The following MARCHF8 variants were observed in gnomAD, a reference collection of about 807,000 sequenced individuals.
MARCHF8 encodes the protein membrane associated ring-CH-type finger 8, also known as E3 ubiquitin-protein ligase MARCHF8.
A neutral mutation model predicts 51.6 loss-of-function variants in MARCHF8; 40 were observed. The observed-to-expected ratio is 0.77, with a 90% confidence interval of 0.60 to 1.01. The LOEUF is 1.01. Among genes scored for constraint, MARCHF8 ranks in the 50% least tolerant of loss-of-function variants. The pLI is 0.00. For missense variants in MARCHF8, 685 were observed against 708.6 expected, an observed-to-expected ratio of 0.97 and a Z score of 0.38; for synonymous variants, 263 against 280.3, an observed-to-expected ratio of 0.94 and a Z score of 0.62.
chr10:45,466,720 A>T (rs1564467058), intron 3 of MARCHF8, among the ~76,000 whole-genome samples: 1 of 152,144 alleles, frequency 6.6e-6, no homozygotes, highest in Non-Finnish European at 1.5e-5. Context: ...TATCTGGAAA[A>T]TCGTGCCCAA....
intron 3 of MARCHF8, among the ~76,000 whole-genome samples, chr10:45,484,921 G>A (rs2133062290): frequency 6.6e-6 from 1 of 152,290 alleles, no homozygotes; most frequent in East Asian, 1.9e-4. Flanking sequence ...TCAAGGTAGT[G>A]TAATCAGAAA....
intron 1 of MARCHF8, among the ~76,000 whole-genome samples, chr10:45,566,938 C>T (rs762509649): frequency 2.0e-5 from 3 of 152,154 alleles, no homozygotes; most frequent in Non-Finnish European, 4.4e-5. Context: ...CACATCCTCA[C>T]CAGCATTTAT....
In MARCHF8 at chr10:45,469,774, T is replaced by A. The variant is rs1017367695; in HGVS notation, c.154-5447A>T. The stretch of plus-strand genomic sequence containing the variant: ...CAGCTACTCGGGAGGCTGAGGCAGG[T>A]GAATGGCGTGAACCCGGGAGGCGGA... On this transcript the variant is annotated intron_variant, in intron 3 of 7. Coordinates refer to ENST00000453424, the MANE Select transcript of MARCHF8 (RefSeq NM_001282866.2). Among the ~76,000 whole-genome samples, 61 of 133,934 alleles carry A rather than the reference T, an allele frequency of 4.6e-4. No homozygotes were observed. In the Admixed American group the frequency reaches 4.7e-3, roughly 10 times the overall value. The allele number at this position is 133,934 out of a possible 152,430, so 87.9% of individuals were successfully genotyped here.
intron 3 of MARCHF8, among the ~76,000 whole-genome samples, chr10:45,468,031 T>C (rs1247932663): frequency 6.6e-6 from 1 of 152,214 alleles, no homozygotes; most frequent in Admixed American, 6.5e-5. Context: ...TAATTAATTA[T>C]GCCAAAACAA....
chr10:45,524,599 C>T (rs2043761360), intron 2 of MARCHF8, among the ~76,000 whole-genome samples: 1 of 152,174 alleles, frequency 6.6e-6, no homozygotes, highest in African/African-American at 2.4e-5. Context: ...TTCATCTCTT[C>T]ATGAAAACAT....
chr10:45,525,627 A>G (rs923188904), intron 2 of MARCHF8, among the ~76,000 whole-genome samples: 4 of 152,188 alleles, frequency 2.6e-5, no homozygotes, highest in African/African-American at 9.7e-5. Context: ...GGGGAGAAAA[A>G]GAGTAACTTT....
At chr10:45,475,529 C>T (rs950568126) in intron 3 of MARCHF8, among the ~76,000 whole-genome samples, 2 of 152,172 alleles carry the variant, frequency 1.3e-5, no homozygotes, top group African/African-American at 4.8e-5. Flanking sequence ...AGGTCAGGCC[C>T]ACCCAACCTG....
chr10:45,514,416 C>A (rs922721514), intron 2 of MARCHF8, among the ~76,000 whole-genome samples: 1 of 152,236 alleles, frequency 6.6e-6, no homozygotes, highest in African/African-American at 2.4e-5. Flanking sequence ...TGCTTGATGC[C>A]GGGGAACAGG....
intron 2 of MARCHF8, among the ~76,000 whole-genome samples, chr10:45,503,617 A>G (rs1245707936): frequency 1.3e-5 from 2 of 151,868 alleles, no homozygotes; most frequent in Admixed American, 6.6e-5. Flanking sequence ...TATGCTATCT[A>G]TAGGAAACTC....
chr10:45,553,835 A>G (rs915300160), intron 1 of MARCHF8, among the ~76,000 whole-genome samples: 6 of 64,410 alleles, frequency 9.3e-5, no homozygotes, highest in East Asian at 4.4e-4. Context: ...ATGGACATGC[A>G]CACACACACA....
At chr10:45,488,424 T>C (rs1460440042) in intron 3 of MARCHF8, among the ~76,000 whole-genome samples, 1 of 151,948 alleles carries the variant, frequency 6.6e-6, no homozygotes, top group East Asian at 1.9e-4. Context: ...ATGTGTCAAG[T>C]AGGAGATAGC....
At chr10:45,458,622 A>T in intron 7 of MARCHF8, 79 bp from the exon 8 acceptor site, 1 of 1,361,012 alleles carries the variant, frequency 7.3e-7, no homozygotes. Flanking sequence ...AACTTCCCAT[A>T]ATCAACTGAT....
intron 2 of MARCHF8, among the ~76,000 whole-genome samples, chr10:45,505,685 A>C (rs2133165921): frequency 6.6e-6 from 1 of 152,320 alleles, no homozygotes; most frequent in South Asian, 2.1e-4. Flanking sequence ...CCTCCAACAA[A>C]TTATTTCCCA....
intron 1 of MARCHF8, among the ~76,000 whole-genome samples, chr10:45,560,060 G>T (rs1322427220): frequency 6.6e-6 from 1 of 152,022 alleles, no homozygotes; most frequent in Non-Finnish European, 1.5e-5. Context: ...AGGTAAGCTG[G>T]CAAATTAGGC....
chr10:45,525,007 G>GT (rs1025989783), intron 2 of MARCHF8, among the ~76,000 whole-genome samples: 3 of 152,154 alleles, frequency 2.0e-5, no homozygotes, highest in African/African-American at 7.2e-5. Flanking sequence ...CTTATATTAG[G>GT]TTTTTATTAT....
intron 3 of MARCHF8, among the ~76,000 whole-genome samples, chr10:45,481,983 A>G (rs1035640460): frequency 6.6e-6 from 1 of 152,270 alleles, no homozygotes; most frequent in African/African-American, 2.4e-5. Context: ...GGATACAAAA[A>G]TAAACATACA....
At chr10:45,540,447 C>T (rs1181125235) in intron 1 of MARCHF8, among the ~76,000 whole-genome samples, 1 of 152,106 alleles carries the variant, frequency 6.6e-6, no homozygotes, top group Non-Finnish European at 1.5e-5. Context: ...ACATGTTAGA[C>T]CTAAAACCAT....
chr10:45,472,148 A>C, intron 3 of MARCHF8, among the ~76,000 whole-genome samples: 1 of 149,202 alleles, frequency 6.7e-6, no homozygotes, highest in African/African-American at 2.5e-5. Context: ...GGCCTTTCCC[A>C]CCCCTCCTCC....
intron 3 of MARCHF8, among the ~76,000 whole-genome samples, chr10:45,474,160 A>C (rs897407540): frequency 2.6e-5 from 4 of 152,184 alleles, no homozygotes; most frequent in African/African-American, 9.7e-5. Flanking sequence ...ACAAAATCTC[A>C]ATGTGTGCAA....
Sources: allele counts gnomAD v4.1 joint callset (sites outside exome capture counted in the v4.1 genomes callset), GRCh38; gene constraint gnomAD v4.1.1; transcripts MANE v1.5; gene names NCBI Gene and HGNC (gene_info 2026-07-23, HGNC 2026-07-21).